The following CNTN4 variants were observed in gnomAD, a reference collection of about 807,000 sequenced individuals.
CNTN4 encodes the protein contactin 4.
A neutral mutation model predicts 122.5 loss-of-function variants in CNTN4; 77 were observed. The observed-to-expected ratio is 0.63, with a 90% CI of 0.52 to 0.76. CNTN4 has a LOEUF of 0.76. Among genes scored for constraint, CNTN4 ranks in the 30% least tolerant of loss-of-function variants. The pLI, the probability that CNTN4 is intolerant of heterozygous loss-of-function variation, is 0.00. For missense variants in CNTN4, 1,256 were observed against 1,259.1 expected (o/e 1.00, Z 0.04); for synonymous variants, 512 against 447.0 (o/e 1.15, Z -1.83).
In CNTN4 at chr3:3,040,242, C is replaced by T; in HGVS notation, c.2369C>T (p.Pro790Leu). 2 of 1,613,920 alleles carry T rather than the reference C, an allele frequency of 1.2e-6. No individual in the cohort carries two copies. The highest frequency in any genetic ancestry group is 1.7e-6 in the Non-Finnish European group (2 of 1,179,780). ...FNNKGEGPFS[P>L]TTVVYSAEEE... The stretch of plus-strand genomic sequence containing the variant: ...AACAAAGGAGAAGGCCCTTTCAGTC[C>T]CACCACGGTGGTGTATTCTGCAGAA... Residue 790 changes from proline (P) to leucine (L), a missense_variant, in exon 20 of 25, where the codon CCC (proline) becomes CTC (leucine). Physicochemically the swap from Pro to Leu is moderately conservative, Grantham distance 98. Coordinates refer to ENST00000418658, the MANE Select transcript of CNTN4 (RefSeq NM_175607.3).
intron 2 of CNTN4, among the ~76,000 whole-genome samples, chr3:2,186,457 G>T (rs2037272128): frequency 1.3e-5 from 2 of 152,120 alleles, no homozygotes; most frequent in South Asian, 2.1e-4. Flanking sequence ...TTAATGGGAT[G>T]GCTGGGTCAA....
At chr3:2,837,268 T>C (rs759684913) in intron 7 of CNTN4, among the ~76,000 whole-genome samples, 1 of 152,220 alleles carries the variant, frequency 6.6e-6, no homozygotes, top group Non-Finnish European at 1.5e-5. Flanking sequence ...GTTTCCACCA[T>C]ACATGGACAC....
At chr3:3,022,071 CAA>C (rs36094888) in intron 14 of CNTN4, among the ~76,000 whole-genome samples, 38,041 of 110,638 alleles carry the variant, frequency 0.34, 5,504 homozygotes, top group Middle Eastern at 0.43. Flanking sequence ...ACCAAGAATT[CAA>C]AAAAAAAAAA....
chr3:2,668,711 A>G (rs1260593377), intron 4 of CNTN4, among the ~76,000 whole-genome samples: 1 of 152,164 alleles, frequency 6.6e-6, no homozygotes, highest in Non-Finnish European at 1.5e-5. Context: ...CCCATTCAGT[A>G]TGATATTGGC....
chr3:3,038,350 A>C lies in CNTN4; in HGVS notation c.2093-583A>C, dbSNP rs149111246. 5.7e-4 allele frequency among the ~76,000 whole-genome samples: 86 copies of C among 152,108 alleles called. 3 individuals carry two copies. Among genetic ancestry groups the C allele is most frequent in the Admixed American group, 5.6e-3 (86 of 15,272 alleles). On this transcript the variant is annotated intron_variant, in intron 18 of 24. Transcript: ENST00000418658. ...GTTAAGCTCAGTGAGCCGGGGGTCA[A>C]CTTCTGTCTGCCACTTCCTTCAACA...
chr3:2,931,762 G>A (rs1348451049), intron 13 of CNTN4, among the ~76,000 whole-genome samples: 1 of 152,128 alleles, frequency 6.6e-6, no homozygotes, highest in African/African-American at 2.4e-5. Context: ...CTGAGAAGCT[G>A]TGATCACAGG....
chr3:2,156,194 C>T (rs376337703), intron 2 of CNTN4, among the ~76,000 whole-genome samples: 4 of 152,148 alleles, frequency 2.6e-5, no homozygotes, highest in South Asian at 2.1e-4. Flanking sequence ...GTGCCAGAGC[C>T]GTTCCTGCCT....
rs549334039 is a variant in CNTN4, at chr3:2,612,227, A to G, written c.55+40669A>G. 7.7e-4 allele frequency among the ~76,000 whole-genome samples: 117 copies of G among 152,242 alleles called. 1 individual carries two copies. The highest frequency in any genetic ancestry group is 1.4e-3 in the Non-Finnish European group (97 of 68,006). On this transcript the variant is annotated intron_variant, in intron 4 of 24. Transcript: ENST00000418658. ...AAAAATATAGTAAGTCAAAAATTAC[A>G]TTTAATACAGCTAACGAAACCAAAT...
chr3:2,603,863 C>T (rs963679036), intron 4 of CNTN4, among the ~76,000 whole-genome samples: 1 of 152,238 alleles, frequency 6.6e-6, no homozygotes, highest in Non-Finnish European at 1.5e-5. Flanking sequence ...ACAGTAGAAA[C>T]CCTTTCTGAA....
intron 7 of CNTN4, among the ~76,000 whole-genome samples, chr3:2,858,291 C>G (rs1369927411): frequency 2.0e-5 from 3 of 152,172 alleles, no homozygotes; most frequent in Non-Finnish European, 4.4e-5. Flanking sequence ...GAGATCCAGC[C>G]TTTTGTGTTG....
chr3:2,911,668 A>C (rs903812525), intron 12 of CNTN4, among the ~76,000 whole-genome samples: 1 of 152,188 alleles, frequency 6.6e-6, no homozygotes, highest in East Asian at 1.9e-4. Context: ...GACAGTACAG[A>C]TAGATAACTA....
intron 2 of CNTN4, among the ~76,000 whole-genome samples, chr3:2,120,053 G>A (rs1221696252): frequency 2.0e-5 from 3 of 151,914 alleles, no homozygotes; most frequent in African/African-American, 7.3e-5. Flanking sequence ...GAAAGTTCCA[G>A]GCAACGAAGA....
intron 3 of CNTN4, among the ~76,000 whole-genome samples, chr3:2,560,946 T>G (rs902901609): frequency 1.3e-5 from 2 of 152,200 alleles, no homozygotes; most frequent in East Asian, 1.9e-4. Context: ...GAAATCTTAT[T>G]TCTGCTTCTG....
chr3:2,627,396 C>G (rs552000901), intron 4 of CNTN4, among the ~76,000 whole-genome samples: 2 of 151,272 alleles, frequency 1.3e-5, no homozygotes, highest in East Asian at 3.9e-4. Context: ...CAAGTTGACT[C>G]TTTTTTCTTG....
At chr3:2,949,893 A>ACTT (rs1345267107) in intron 13 of CNTN4, among the ~76,000 whole-genome samples, 1 of 152,228 alleles carries the variant, frequency 6.6e-6, no homozygotes. Flanking sequence ...TCTAAATCTA[A>ACTT]CTTAGAAAAG....
intron 2 of CNTN4, among the ~76,000 whole-genome samples, chr3:2,138,690 C>T (rs1382685708): frequency 6.6e-6 from 1 of 152,138 alleles, no homozygotes; most frequent in Non-Finnish European, 1.5e-5. Context: ...CCTCTCCTGC[C>T]CTGGAACTGG....
chr3:2,609,848 T>G (rs1458146628), intron 4 of CNTN4, among the ~76,000 whole-genome samples: 1 of 152,224 alleles, frequency 6.6e-6, no homozygotes, highest in Non-Finnish European at 1.5e-5. Context: ...ATTTTTTGAT[T>G]TGTGCAACTT....
intron 3 of CNTN4, among the ~76,000 whole-genome samples, chr3:2,491,573 G>A (rs896519365): frequency 6.6e-6 from 1 of 152,158 alleles, no homozygotes; most frequent in African/African-American, 2.4e-5. Flanking sequence ...TAATAAAAGA[G>A]ATATTACTGT....
chr3:2,469,181 A>G (rs186504789), intron 3 of CNTN4, among the ~76,000 whole-genome samples: 2 of 152,310 alleles, frequency 1.3e-5, no homozygotes, highest in Admixed American at 1.3e-4. Context: ...GCTCTTTACT[A>G]GATTGAGAAA....
Sources: allele counts gnomAD v4.1 joint callset (sites outside exome capture counted in the v4.1 genomes callset), GRCh38; gene constraint gnomAD v4.1.1; transcripts MANE v1.5; gene names NCBI Gene and HGNC (gene_info 2026-07-23, HGNC 2026-07-21).